The following NCAM2 variants were observed in gnomAD, a reference collection of about 807,000 sequenced individuals.
NCAM2 encodes neural cell adhesion molecule 2.
NCAM2 carries 30 observed loss-of-function variants against 98.1 expected under a neutral mutation model. The observed-to-expected ratio is 0.31, with a 90% CI of 0.23 to 0.41. The LOEUF (loss-of-function observed/expected upper bound fraction) is 0.41. Among genes scored for constraint, NCAM2 ranks in the 10% least tolerant of loss-of-function variants. NCAM2 has a pLI of 1.00. For missense variants in NCAM2, 867 were observed against 1,005.8 expected, an observed-to-expected ratio of 0.86 and a Z score of 1.87; for synonymous variants, 368 against 342.4, an observed-to-expected ratio of 1.07 and a Z score of -0.83.
intron 2 of NCAM2, among the ~76,000 whole-genome samples, chr21:21,280,920 A>G (rs904575549): frequency 6.6e-6 from 1 of 151,838 alleles, no homozygotes; most frequent in Non-Finnish European, 1.5e-5. Context: ...TAGCTGGACT[A>G]CAGGTGCTCA....
intron 1 of NCAM2, among the ~76,000 whole-genome samples, chr21:21,244,313 G>A (rs1038614257): frequency 6.6e-6 from 1 of 152,060 alleles, no homozygotes; most frequent in African/African-American, 2.4e-5. Flanking sequence ...GTAGTAACTG[G>A]AAATGTTTAT....
chr21:21,136,572 C>G (rs1452095476), intron 1 of NCAM2, among the ~76,000 whole-genome samples: 3 of 151,930 alleles, frequency 2.0e-5, no homozygotes, highest in Non-Finnish European at 2.9e-5. Context: ...AGCAATTCTC[C>G]TGCCTTAGCC....
chr21:21,234,976 G>A (rs1257438463), intron 1 of NCAM2, among the ~76,000 whole-genome samples: 2 of 151,966 alleles, frequency 1.3e-5, no homozygotes, highest in Non-Finnish European at 2.9e-5. Flanking sequence ...ATGGCATAAT[G>A]TCTGCTATAA....
intron 1 of NCAM2, among the ~76,000 whole-genome samples, chr21:21,177,727 T>TTCCC (rs933146236): frequency 3.3e-4 from 50 of 151,774 alleles, no homozygotes; most frequent in Admixed American, 2.9e-3. Flanking sequence ...CTTCTCTTTT[T>TTCCC]TCCCTCCCTC....
At chr21:21,275,486 A>T (rs186277693) in intron 1 of NCAM2, among the ~76,000 whole-genome samples, 1 of 151,926 alleles carries the variant, frequency 6.6e-6, no homozygotes, top group Admixed American at 6.5e-5. Flanking sequence ...AATAAAAAAT[A>T]AAAATAAATA....
intron 1 of NCAM2, among the ~76,000 whole-genome samples, chr21:21,071,171 A>T (rs190862836): frequency 2.0e-5 from 3 of 152,260 alleles, no homozygotes; most frequent in Admixed American, 6.5e-5. Flanking sequence ...AGTAAATGAG[A>T]TCTTCAAGAA....
intron 12 of NCAM2, among the ~76,000 whole-genome samples, chr21:21,448,979 C>A (rs1040309799): frequency 1.3e-5 from 2 of 151,880 alleles, no homozygotes; most frequent in African/African-American, 2.4e-5. Context: ...TGATTTTAAA[C>A]CATGTAGATC....
rs1350886856 is a variant in NCAM2, at chr21:21,530,230, ATATT to A, written c.2283-4304_2283-4301del. Among the ~76,000 whole-genome samples, 78 of 63,610 alleles carry A rather than the reference ATATT, an allele frequency of 1.2e-3. 1 individual carries two copies. The highest frequency in any genetic ancestry group is 4.4e-3 in the African/African-American group (66 of 14,944). The allele number at this position is 63,610 out of a possible 152,430, so 41.7% of individuals were successfully genotyped here. ...ATAATTTAATTTAATTTAATTATAT[ATATT>A]TAATTTAAATTAATTATATATAATT... On this transcript the variant is annotated intron_variant, in intron 16 of 17. Transcript: ENST00000400546.
chr21:21,123,973 G>A (rs1337473186), intron 1 of NCAM2, among the ~76,000 whole-genome samples: 2 of 149,336 alleles, frequency 1.3e-5, no homozygotes, highest in South Asian at 4.3e-4. Context: ...TCAGCCTCCC[G>A]AGTAGCTGGG....
At chr21:21,356,335 C>T (rs1354688115) in intron 8 of NCAM2, among the ~76,000 whole-genome samples, 2 of 151,836 alleles carry the variant, frequency 1.3e-5, no homozygotes, top group African/African-American at 4.8e-5. Context: ...ATTTATGGTT[C>T]GCGGTTCCTA....
intron 1 of NCAM2, among the ~76,000 whole-genome samples, chr21:21,143,626 C>G (rs913189656): frequency 6.6e-6 from 1 of 152,064 alleles, no homozygotes; most frequent in Non-Finnish European, 1.5e-5. Context: ...CCAATTTTAT[C>G]TTTTTAATAT....
intron 1 of NCAM2, among the ~76,000 whole-genome samples, chr21:21,115,573 G>A (rs1331607471): frequency 6.6e-6 from 1 of 152,054 alleles, no homozygotes; most frequent in Non-Finnish European, 1.5e-5. Context: ...ACCAGCTTTT[G>A]TGAATAAGTT....
chr21:21,231,800 A>AT (rs2070638056), intron 1 of NCAM2, among the ~76,000 whole-genome samples: 7 of 151,584 alleles, frequency 4.6e-5, no homozygotes, highest in Middle Eastern at 3.4e-3. Context: ...GAGGTCTAAG[A>AT]TTTCCAAACA....
intron 9 of NCAM2, among the ~76,000 whole-genome samples, chr21:21,409,057 GTTAATA>G (rs2076803373): frequency 6.6e-6 from 1 of 151,952 alleles, no homozygotes; most frequent in East Asian, 1.9e-4. Flanking sequence ...GTTCTAAGTA[GTTAATA>G]TTAGTAACAA....
intron 1 of NCAM2, among the ~76,000 whole-genome samples, chr21:21,054,539 A>G (rs1389166848): frequency 6.6e-6 from 1 of 152,024 alleles, no homozygotes; most frequent in Non-Finnish European, 1.5e-5. Flanking sequence ...ATCTATCAAG[A>G]TGTATTGCCA....
chr21:21,473,393 T>TATATTA (rs1555903518), intron 14 of NCAM2, among the ~76,000 whole-genome samples: 1 of 126,260 alleles, frequency 7.9e-6, no homozygotes, highest in Non-Finnish European at 1.7e-5. Flanking sequence ...TATATATATA[T>TATATTA]TATATATAAA....
chr21:21,152,354 T>G (rs923680873), intron 1 of NCAM2, among the ~76,000 whole-genome samples: 1 of 151,988 alleles, frequency 6.6e-6, no homozygotes, highest in African/African-American at 2.4e-5. Flanking sequence ...AATTCCATTT[T>G]ATTTTTCATT....
rs564539512 is a variant in NCAM2, at chr21:21,373,530, T to C, written c.1045-333T>C. Among the ~76,000 whole-genome samples the C allele has an allele frequency of 7.9e-5, 12 of 151,900 alleles. No homozygotes were observed. In the South Asian group the frequency reaches 2.5e-3, roughly 32 times the overall value. ...ATAATTGGAATTGACGGTATCCAAATTGTAAAGTGTGCTTGGACAGAAAGG... is the reference window on the plus strand; with the variant it reads ...ATAATTGGAATTGACGGTATCCAAACTGTAAAGTGTGCTTGGACAGAAAGG... On this transcript the variant is annotated intron_variant, in intron 8 of 17. Transcript: ENST00000400546.
At position 21,166,933 on chromosome 21, in the gene NCAM2, TTCA is replaced by T. The variant is rs548655046; in HGVS notation, c.56-113641_56-113639del. 4.0e-4 allele frequency among the ~76,000 whole-genome samples: 61 copies of T among 152,322 alleles called. No homozygotes were observed. In the South Asian group the frequency reaches 0.013, roughly 32 times the overall value. ...TCACAAAATTCAGACTAAACGCCATTTCATCAACTTATATTGATAACCTGTATA... is the reference window on the plus strand; with the variant it reads ...TCACAAAATTCAGACTAAACGCCATTTCAACTTATATTGATAACCTGTATA... On this transcript the variant is annotated intron_variant, in intron 1 of 17. Coordinates refer to ENST00000400546, the MANE Select transcript of NCAM2 (RefSeq NM_004540.5).
Sources: allele counts gnomAD v4.1 joint callset (sites outside exome capture counted in the v4.1 genomes callset), GRCh38; gene constraint gnomAD v4.1.1; transcripts MANE v1.5; gene names NCBI Gene and HGNC (gene_info 2026-07-23, HGNC 2026-07-21).